Variants in KHDRBS2 observed in about 807,000 individuals in gnomAD.
KHDRBS2 encodes the protein KH domain-containing, RNA-binding, signal transduction-associated protein 2.
KHDRBS2 carries 26 observed loss-of-function variants against 44.3 expected under a neutral mutation model. The ratio of observed to expected loss-of-function variants is 0.59; its 90% CI spans 0.43 to 0.81. The LOEUF (loss-of-function observed/expected upper bound fraction) is 0.81. Among genes scored for constraint, KHDRBS2 ranks in the 40% least tolerant of loss-of-function variants. The probability of loss-of-function intolerance (pLI) is 0.00; values close to 1 mark genes in which losing one functional copy is unlikely to be tolerated. For missense variants in KHDRBS2, 476 were observed against 433.1 expected, an observed-to-expected ratio of 1.10 and a Z score of -0.88; for synonymous variants, 194 against 151.1, an observed-to-expected ratio of 1.28 and a Z score of -2.08.
chr6:61,575,902 A>T, the KHDRBS2 span, among the ~76,000 whole-genome samples: 3 of 152,162 alleles, frequency 2.0e-5, no homozygotes, highest in Non-Finnish European at 4.4e-5. Flanking sequence ...GAGCTAAGCT[A>T]TGAGGACACA....
At chr6:62,062,170 T>C (rs1342937248) in intron 2 of KHDRBS2, among the ~76,000 whole-genome samples, 1 of 147,566 alleles carries the variant, frequency 6.8e-6, no homozygotes. Context: ...CTCCCACACA[T>C]TAATAATGGG....
intron 2 of KHDRBS2, among the ~76,000 whole-genome samples, chr6:62,153,095 A>G (rs1161057671): frequency 6.6e-6 from 1 of 152,240 alleles, no homozygotes; most frequent in African/African-American, 2.4e-5. Flanking sequence ...TCAATGGCAA[A>G]AACATTAAAT....
At chr6:61,599,553 T>G in the KHDRBS2 span, among the ~76,000 whole-genome samples, 1 of 152,198 alleles carries the variant, frequency 6.6e-6, no homozygotes, top group African/African-American at 2.4e-5. Context: ...AGGATAGTGT[T>G]TGCACATATG....
intron 5 of KHDRBS2, among the ~76,000 whole-genome samples, chr6:61,895,502 A>C (rs568984197): frequency 6.6e-6 from 1 of 152,314 alleles, no homozygotes; most frequent in African/African-American, 2.4e-5. Flanking sequence ...TTTCTTAACC[A>C]TAACTATGGT....
At chr6:61,550,079 C>T in the KHDRBS2 span, among the ~76,000 whole-genome samples, 1 of 152,042 alleles carries the variant, frequency 6.6e-6, no homozygotes, top group Non-Finnish European at 1.5e-5. Flanking sequence ...GTCAGCGGTA[C>T]ATAGGTAGGT....
At chr6:61,787,963 C>T (rs1784060168) in intron 6 of KHDRBS2, among the ~76,000 whole-genome samples, 1 of 151,562 alleles carries the variant, frequency 6.6e-6, no homozygotes, top group East Asian at 1.9e-4. Flanking sequence ...AGGCGTGCAC[C>T]ACATAATATA....
chr6:61,755,686 C>T (rs896457746), intron 6 of KHDRBS2, among the ~76,000 whole-genome samples: 5 of 151,304 alleles, frequency 3.3e-5, no homozygotes, highest in Non-Finnish European at 2.9e-5. Context: ...TGGTGTGTGC[C>T]TGTAATCCTA....
chr6:61,567,158 A>C, the KHDRBS2 span, among the ~76,000 whole-genome samples: 5 of 152,194 alleles, frequency 3.3e-5, no homozygotes, highest in Non-Finnish European at 5.9e-5. Context: ...TACATTTCAA[A>C]AGGATGGATC....
intron 2 of KHDRBS2, among the ~76,000 whole-genome samples, chr6:62,102,416 C>T (rs1802112195): frequency 6.6e-6 from 1 of 152,154 alleles, no homozygotes; most frequent in African/African-American, 2.4e-5. Flanking sequence ...CCCAAAACCT[C>T]AGAGACACCA....
At chr6:61,955,657 T>TAC (rs1766980685) in intron 4 of KHDRBS2, among the ~76,000 whole-genome samples, 1 of 148,178 alleles carries the variant, frequency 6.7e-6, no homozygotes, top group African/African-American at 2.5e-5. Context: ...TATGTATGCA[T>TAC]ATATGTGTAT....
At chr6:61,972,648 G>T (rs1322500153) in intron 4 of KHDRBS2, among the ~76,000 whole-genome samples, 1 of 152,092 alleles carries the variant, frequency 6.6e-6, no homozygotes, top group African/African-American at 2.4e-5. Context: ...TTCCCTCTCT[G>T]CATTGAACTT....
chr6:61,767,239 A>G (rs1780148541), intron 6 of KHDRBS2, among the ~76,000 whole-genome samples: 1 of 151,974 alleles, frequency 6.6e-6, no homozygotes, highest in Non-Finnish European at 1.5e-5. Flanking sequence ...TATTGTCTTG[A>G]AATCTATTTC....
intron 3 of KHDRBS2, among the ~76,000 whole-genome samples, chr6:62,026,062 T>C (rs1783252745): frequency 6.6e-6 from 1 of 152,096 alleles, no homozygotes; most frequent in South Asian, 2.1e-4. Context: ...CCCAGTCTTT[T>C]TTAACAGAAG....
intron 1 of KHDRBS2, among the ~76,000 whole-genome samples, chr6:62,205,096 T>C (rs1024608459): frequency 6.6e-6 from 1 of 152,142 alleles, no homozygotes; most frequent in African/African-American, 2.4e-5. Context: ...AACTTGAAGT[T>C]CATCTTGTGT....
intron 7 of KHDRBS2, among the ~76,000 whole-genome samples, chr6:61,714,066 C>A (rs1272857446): frequency 6.6e-6 from 1 of 151,788 alleles, no homozygotes; most frequent in Non-Finnish European, 1.5e-5. Context: ...AATTAGAAAG[C>A]TTCTGCACAG....
intron 3 of KHDRBS2, among the ~76,000 whole-genome samples, chr6:62,039,591 T>A (rs1786041294): frequency 6.6e-6 from 1 of 152,062 alleles, no homozygotes; most frequent in South Asian, 2.1e-4. Context: ...GGTCTAGGTA[T>A]TGCACAGACT....
At chr6:62,009,273 T>A (rs751571656) in intron 3 of KHDRBS2, among the ~76,000 whole-genome samples, 1 of 152,114 alleles carries the variant, frequency 6.6e-6, no homozygotes, top group Non-Finnish European at 1.5e-5. Flanking sequence ...CCCTAGAGAT[T>A]TGTGGAACTT....
rs370422384 is a variant in KHDRBS2 at position 61,746,043 on chromosome 6, TTTTAGTTTAGTTTAG to T, written c.811-13294_811-13280del. 7.6e-5 allele frequency among the ~76,000 whole-genome samples: 11 copies of T among 144,834 alleles called. 1 individual carries two copies. The highest frequency in any genetic ancestry group is 1.7e-4 in the African/African-American group (7 of 40,702). ...TTTTTCCCAAAAAGATTTTATTTTA[TTTTAGTTTAGTTTAG>T]TTTAGTTTAGTTTAGTTTTATTTCA... is the stretch of plus-strand genomic sequence containing the variant. On this transcript the variant is annotated intron_variant, in intron 6 of 8. Coordinates refer to ENST00000281156, the MANE Select transcript of KHDRBS2 (RefSeq NM_152688.4).
chr6:62,066,369 T>C (rs956760080), intron 2 of KHDRBS2, among the ~76,000 whole-genome samples: 1 of 151,666 alleles, frequency 6.6e-6, no homozygotes, highest in African/African-American at 2.4e-5. Context: ...TTTTAATACT[T>C]AACAGATATT....
Sources: allele counts gnomAD v4.1 joint callset (sites outside exome capture counted in the v4.1 genomes callset), GRCh38; gene constraint gnomAD v4.1.1; transcripts MANE v1.5; gene names NCBI Gene and HGNC (gene_info 2026-07-23, HGNC 2026-07-21).